The following MYCBP variants were observed in gnomAD, a reference collection of about 807,000 sequenced individuals.
The protein encoded by MYCBP is MYC binding protein.
In MYCBP, 5 loss-of-function variants were observed where a neutral mutation model predicts 16.8. The ratio of observed to expected loss-of-function variants is 0.30; its 90% CI spans 0.16 to 0.63. MYCBP has a LOEUF of 0.63. Among genes scored for constraint, MYCBP ranks in the 20% least tolerant of loss-of-function variants. The probability of loss-of-function intolerance (pLI) is 0.83; values close to 1 mark genes in which losing one functional copy is unlikely to be tolerated. For missense variants in MYCBP, 103 were observed against 121.8 expected, an observed-to-expected ratio of 0.85 and a Z score of 0.73; for synonymous variants, 35 against 43.7, an observed-to-expected ratio of 0.80 and a Z score of 0.79.
chr1:38,867,080 A>G lies in MYCBP; in HGVS notation c.138-71T>C, dbSNP rs1642357090. ...AATGAAATAGCACAGAGTAGTATCA[A>G]TATCCCTGACCAGAGTCACCCACTT... is the stretch of plus-strand genomic sequence containing the variant. On this transcript the variant is annotated intron_variant, in intron 3 of 4. Transcript: ENST00000397572. 3 of 1,417,594 alleles carry G rather than the reference A, an allele frequency of 2.1e-6. No homozygotes were observed. In the East Asian group the frequency reaches 6.9e-5, roughly 33 times the overall value. 87.8% of individuals were successfully genotyped at this position (1,417,594 alleles called of 1,614,324 possible).
intron 2 of MYCBP, among the ~76,000 whole-genome samples, chr1:38,869,308 G>A (rs893758436): frequency 1.3e-5 from 2 of 151,860 alleles, no homozygotes; most frequent in Non-Finnish European, 2.9e-5. Context: ...GGCTAGTCTC[G>A]AACTCCCAGC....
At chr1:38,869,582 T>C (rs1642417072) in intron 2 of MYCBP, among the ~76,000 whole-genome samples, 1 of 152,232 alleles carries the variant, frequency 6.6e-6, no homozygotes, top group Admixed American at 6.5e-5. Flanking sequence ...ACAAGAACTC[T>C]ATACCCAATC....
chr1:38,871,085 C>T (rs1332059740), intron 2 of MYCBP, among the ~76,000 whole-genome samples: 1 of 152,086 alleles, frequency 6.6e-6, no homozygotes, highest in Non-Finnish European at 1.5e-5. Flanking sequence ...ACTAAAAATA[C>T]AAAAAATTAG....
intron 2 of MYCBP, among the ~76,000 whole-genome samples, chr1:38,872,256 T>C (rs756674011): frequency 2.0e-5 from 3 of 152,146 alleles, no homozygotes; most frequent in Admixed American, 6.5e-5. Flanking sequence ...TCCCAGTGAG[T>C]TGAGTGACAC....
intron 2 of MYCBP, among the ~76,000 whole-genome samples, chr1:38,869,869 CAA>C (rs57974251): frequency 1.7e-3 from 247 of 142,434 alleles, no homozygotes; most frequent in African/African-American, 1.7e-3. Flanking sequence ...CCCAACTCTA[CAA>C]AAAAAAAAAA....
intron 3 of MYCBP, among the ~76,000 whole-genome samples, chr1:38,867,229 G>C (rs192444125): frequency 6.6e-6 from 1 of 152,066 alleles, no homozygotes; most frequent in Non-Finnish European, 1.5e-5. Flanking sequence ...GGCACATCAC[G>C]AGGTCAGGAG....
chr1:38,871,123 C>T (rs1307377355), intron 2 of MYCBP, among the ~76,000 whole-genome samples: 1 of 152,222 alleles, frequency 6.6e-6, no homozygotes, highest in African/African-American at 2.4e-5. Flanking sequence ...TGCCTGTAAT[C>T]CCAGCTACTT....
At chr1:38,868,210 A>G (rs1642380151) in intron 2 of MYCBP, among the ~76,000 whole-genome samples, 1 of 152,238 alleles carries the variant, frequency 6.6e-6, no homozygotes, top group Non-Finnish European at 1.5e-5. Flanking sequence ...TGATGTGGTA[A>G]TCCAGTTTAA....
chr1:38,870,926 G>A (rs1337995436), intron 2 of MYCBP, among the ~76,000 whole-genome samples: 1 of 151,338 alleles, frequency 6.6e-6, no homozygotes, highest in Non-Finnish European at 1.5e-5. Flanking sequence ...TTAGGAGCCT[G>A]GAAATCTAAG....
At chr1:38,872,449 A>G (rs962952627) in intron 2 of MYCBP, 1 of 152,526 alleles carries the variant, frequency 6.6e-6, no homozygotes, top group Admixed American at 6.5e-5. Flanking sequence ...CCACCTTGAT[A>G]TGCCCTCGAG....
intron 1 of MYCBP, 29 bp from the exon 2 acceptor site, chr1:38,873,119 G>A: frequency 1.3e-6 from 2 of 1,554,310 alleles, no homozygotes; most frequent in Non-Finnish European, 1.7e-6. Context: ...TCAGTGGCCA[G>A]AGCCCGGGAG....
intron 2 of MYCBP, among the ~76,000 whole-genome samples, chr1:38,872,414 A>G (rs1029068473): frequency 2.6e-5 from 4 of 152,244 alleles, no homozygotes; most frequent in Non-Finnish European, 5.9e-5. Context: ...GTAAGCTTTC[A>G]TTTTAAAAAG....
At chr1:38,872,921 T>C in intron 2 of MYCBP, 97 bp downstream of exon 2, 1 of 1,398,384 alleles carries the variant, frequency 7.2e-7, no homozygotes, top group Non-Finnish European at 9.8e-7. Flanking sequence ...GCCCCATCTG[T>C]TTCCCCTCCT....
At chr1:38,870,685 C>T (rs1212540304) in intron 2 of MYCBP, among the ~76,000 whole-genome samples, 1 of 145,874 alleles carries the variant, frequency 6.9e-6, no homozygotes, top group Non-Finnish European at 1.5e-5. Flanking sequence ...CCCAGCTACT[C>T]GGGAGGCTGA....
rs1239698072 is a variant in MYCBP, at chr1:38,873,337, G to C, written c.-32C>G. ...AGCGGCAGCGGCGTAGCTGGCGCCG[G>C]AGACCGCGACTGGCGGGTTGGGAGC... On this transcript the variant is annotated 5_prime_UTR_variant, in exon 1 of 5. Transcript: ENST00000397572. 1 of 1,598,740 alleles carries C rather than the reference G, an allele frequency of 6.3e-7. No homozygotes were observed. The highest frequency in any genetic ancestry group is 1.1e-5 in the South Asian group (1 of 90,480).
chr1:38,866,430 C>G (rs1285722641), intron 4 of MYCBP, among the ~76,000 whole-genome samples: 1 of 149,494 alleles, frequency 6.7e-6, no homozygotes, highest in East Asian at 2.0e-4. Flanking sequence ...TTTTTTTAAC[C>G]CCCCTAGATG....
At chr1:38,869,267 T>C (rs569229259) in intron 2 of MYCBP, among the ~76,000 whole-genome samples, 13 of 152,194 alleles carry the variant, frequency 8.5e-5, no homozygotes, top group Admixed American at 3.9e-4. Context: ...TTTGTATTTT[T>C]AGTAGAGACG....
chr1:38,871,835 G>A (rs1045499722), intron 2 of MYCBP, among the ~76,000 whole-genome samples: 2 of 152,048 alleles, frequency 1.3e-5, no homozygotes, highest in Admixed American at 6.6e-5. Flanking sequence ...TATGAGAGCC[G>A]AGACTTTTAT....
At chr1:38,867,694 T>C (rs1557594500) in intron 2 of MYCBP, 84 bp from the exon 3 acceptor site, 2 of 1,188,340 alleles carry the variant, frequency 1.7e-6, no homozygotes, top group Non-Finnish European at 2.5e-6. Context: ...CAGTAAATAT[T>C]AGGTGCCAAC....
Sources: allele counts gnomAD v4.1 joint callset (sites outside exome capture counted in the v4.1 genomes callset), GRCh38; gene constraint gnomAD v4.1.1; transcripts MANE v1.5; gene names NCBI Gene and HGNC (gene_info 2026-07-23, HGNC 2026-07-21).